The following ACKR3 variants were observed in gnomAD, a reference collection of about 807,000 sequenced individuals.
ACKR3 encodes the protein C-X-C chemokine receptor type 7.
A neutral mutation model predicts 22.4 loss-of-function variants in ACKR3; 6 were observed. That is an observed-to-expected ratio of 0.27 (90% CI 0.15 to 0.53). The LOEUF (loss-of-function observed/expected upper bound fraction) is 0.53, where lower values mean the gene tolerates loss of function less well. ACKR3 is among the 20% of genes least tolerant of loss of function. The pLI is 0.96. For synonymous variants in ACKR3, 209 were observed against 205.2 expected (o/e 1.02, Z -0.16); for missense variants, 396 against 475.2 (o/e 0.83, Z 1.55).
At chr2:236,550,690 G>A in the ACKR3 span, among the ~76,000 whole-genome samples, 3 of 152,254 alleles carry the variant, frequency 2.0e-5, no homozygotes, top group African/African-American at 4.8e-5. This position sits in a 1 kb window ranked among gnomAD's most constrained non-coding sequence, Gnocchi z 4.6. Context: ...GAAACCTCTC[G>A]GAGCCTCAGC....
chr2:236,560,824 A>C, the ACKR3 span, among the ~76,000 whole-genome samples: 1 of 152,342 alleles, frequency 6.6e-6, no homozygotes, highest in South Asian at 2.1e-4. Context: ...AAAAGACTTG[A>C]AACTGGGGTC....
the ACKR3 span, among the ~76,000 whole-genome samples, chr2:236,555,067 C>G: frequency 6.6e-6 from 1 of 152,232 alleles, no homozygotes; most frequent in Non-Finnish European, 1.5e-5. Flanking sequence ...GCTGAGGCAT[C>G]CACAGCGGCA....
rs1485096868 is a variant in ACKR3, at chr2:236,581,838, A to G, written c.*284A>G. The G allele has an allele frequency of 7.0e-6, 2 of 285,340 alleles. No homozygotes were observed. The highest frequency in any genetic ancestry group is 6.9e-6 in the Non-Finnish European group (1 of 144,556). The allele number at this position is 285,340 out of a possible 1,614,324, so 17.7% of individuals were successfully genotyped here. On this transcript the variant is annotated 3_prime_UTR_variant, in exon 2 of 2. Coordinates refer to ENST00000272928, the MANE Select transcript of ACKR3 (RefSeq NM_020311.3). The surrounding 1 kb of genome is among the most constrained non-coding windows in gnomAD (Gnocchi z 4.4). ...CTTGCCTGGACTTCTGTAAGATAGGATTTTCTGTGTTTCCTGAATTTTTTA... is the reference window on the plus strand; with the variant it reads ...CTTGCCTGGACTTCTGTAAGATAGGGTTTTCTGTGTTTCCTGAATTTTTTA...
the ACKR3 span, among the ~76,000 whole-genome samples, chr2:236,553,205 C>A: frequency 2.7e-5 from 4 of 150,270 alleles, no homozygotes; most frequent in African/African-American, 1.0e-4. Context: ...CTCCTCCCCC[C>A]TGCTGAGGGC....
chr2:236,560,488 G>A, the ACKR3 span, among the ~76,000 whole-genome samples: 6 of 152,046 alleles, frequency 3.9e-5, no homozygotes, highest in Non-Finnish European at 8.8e-5. Flanking sequence ...TTGGAGAAAT[G>A]TCTATTCAAG....
chr2:236,555,954 T>G, the ACKR3 span, among the ~76,000 whole-genome samples: 1,192 of 152,244 alleles, frequency 7.8e-3, 19 homozygotes, highest in African/African-American at 0.027. Flanking sequence ...ATTTAGAAAC[T>G]AAGATCTTGC....
the ACKR3 span, among the ~76,000 whole-genome samples, chr2:236,547,799 C>T: frequency 5.9e-5 from 9 of 151,988 alleles, no homozygotes; most frequent in African/African-American, 2.2e-4. Flanking sequence ...TGCCTTTTCT[C>T]CAGGCTGCTT....
the ACKR3 span, among the ~76,000 whole-genome samples, chr2:236,548,657 G>A: frequency 6.6e-6 from 1 of 152,180 alleles, no homozygotes; most frequent in East Asian, 1.9e-4. This position sits in a 1 kb window ranked among gnomAD's most constrained non-coding sequence, Gnocchi z 4.3. Context: ...TAAACCTTAC[G>A]GGCAAGAGTT....
chr2:236,551,810 T>C, the ACKR3 span, among the ~76,000 whole-genome samples: 1 of 152,184 alleles, frequency 6.6e-6, no homozygotes, highest in Admixed American at 6.5e-5. Flanking sequence ...CCCTTTGCCC[T>C]TAGTTCTCTG....
At chr2:236,542,952 C>T in the ACKR3 span, among the ~76,000 whole-genome samples, 23 of 84,752 alleles carry the variant, frequency 2.7e-4, 1 homozygote, top group Admixed American at 1.6e-3. Flanking sequence ...ATTCTATATG[C>T]GGGCCCTGTG....
rs150599766 is a variant in ACKR3 at position 236,580,990 on chromosome 2, G to A, written c.525G>A (p.Val175=). The change falls in exon 2 of 2, where the codon GTG becomes GTA. Residue 175 remains valine, a synonymous_variant. Coordinates refer to ENST00000272928, the MANE Select transcript of ACKR3 (RefSeq NM_020311.3). ...TGGTGTGGCTGCTGGCCTTCTGCGT[G>A]TCTCTGCCTGACACCTACTACCTGA... ...CILVWLLAFC[V]SLPDTYYLKT... is the part of the protein sequence containing the mutation. 3.2e-5 allele frequency: 52 copies of A among 1,613,992 alleles called. No individual in the cohort carries two copies. Among genetic ancestry groups the A allele is most frequent in the Non-Finnish European group, 4.2e-5 (49 of 1,180,046 alleles).
chr2:236,551,762 T>A, the ACKR3 span, among the ~76,000 whole-genome samples: 1 of 152,228 alleles, frequency 6.6e-6, no homozygotes, highest in African/African-American at 2.4e-5. Flanking sequence ...TTGATTTATA[T>A]TTCAGCCCAG....
chr2:236,581,153 G>T lies in ACKR3; in HGVS notation c.688G>T (p.Val230Phe), dbSNP rs35095494. The change falls in exon 2 of 2, where the codon GTC becomes TTC. Residue 230 changes from valine (V) to phenylalanine (F), a missense_variant. Coordinates refer to ENST00000272928, the MANE Select transcript of ACKR3 (RefSeq NM_020311.3). This position sits in a 1 kb window ranked among gnomAD's most constrained non-coding sequence, Gnocchi z 4.4. ...TGCCGTTCCCTTCTCCATTATCGCT[G>T]TCTTCTACTTCCTGCTGGCCAGAGC... Reference protein sequence around the residue: ...GFAVPFSIIAVFYFLLARAIS... With the variant: ...GFAVPFSIIAFFYFLLARAIS... 4 of 1,614,004 alleles carry T rather than the reference G, an allele frequency of 2.5e-6. No individual in the cohort carries two copies. The highest frequency in any genetic ancestry group is 3.4e-6 in the Non-Finnish European group (4 of 1,179,998).
At chr2:236,538,454 C>A in the ACKR3 span, among the ~76,000 whole-genome samples, 1 of 152,196 alleles carries the variant, frequency 6.6e-6, no homozygotes, top group Non-Finnish European at 1.5e-5. Flanking sequence ...GGCTCACCAC[C>A]CTGACCTTGG....
Position 236,581,452 on chromosome 2 carries a change from C to T in ACKR3, c.987C>T (p.Ala329=). ...NRNYRYELMK[A]FIFKYSAKTG... Reference sequence around the variant, plus strand: ...ACTACAGGTACGAGCTGATGAAGGCCTTCATCTTCAAGTACTCGGCCAAAA... The same window carrying T: ...ACTACAGGTACGAGCTGATGAAGGCTTTCATCTTCAAGTACTCGGCCAAAA... The change falls in exon 2 of 2, where the codon GCC becomes GCT. Residue 329 remains alanine, a synonymous_variant. Transcript: ENST00000272928. The surrounding 1 kb of genome is among the most constrained non-coding windows in gnomAD (Gnocchi z 4.4). 6.2e-7 allele frequency: 1 copy of T among 1,614,198 alleles called. No homozygotes were observed. Among genetic ancestry groups the T allele is most frequent in the African/African-American group, 1.3e-5 (1 of 75,058 alleles).
chr2:236,540,669 T>C, the ACKR3 span, among the ~76,000 whole-genome samples: 71 of 152,372 alleles, frequency 4.7e-4, 1 homozygote, highest in South Asian at 0.014. Flanking sequence ...ATGAATTTAA[T>C]GTGTGGTGCA....
At chr2:236,540,655 T>C in the ACKR3 span, among the ~76,000 whole-genome samples, 2 of 152,228 alleles carry the variant, frequency 1.3e-5, no homozygotes, top group Non-Finnish European at 2.9e-5. Flanking sequence ...AGGATCCATT[T>C]GGAATGAATT....
the ACKR3 span, among the ~76,000 whole-genome samples, chr2:236,552,681 A>T: frequency 6.6e-6 from 1 of 152,190 alleles, no homozygotes; most frequent in Non-Finnish European, 1.5e-5. Context: ...TTTCAAAGGA[A>T]TATTTACAGA....
At position 236,578,704 on chromosome 2, in the gene ACKR3, C is replaced by T. The variant is rs923728460; in HGVS notation, c.-26-1736C>T. Among the ~76,000 whole-genome samples the T allele has an allele frequency of 3.9e-5, 6 of 152,158 alleles. No individual in the cohort carries two copies. In the South Asian group the frequency reaches 6.2e-4, roughly 16 times the overall value. The stretch of plus-strand genomic sequence containing the variant: ...AATGTGGAGGCTGTGGAGCCGAGGC[C>T]GCGAAATTTCTCACTTTTCAGGGAT... On this transcript the variant is annotated intron_variant, in intron 1 of 1. Coordinates refer to ENST00000272928, the MANE Select transcript of ACKR3 (RefSeq NM_020311.3).
Sources: allele counts gnomAD v4.1 joint callset (sites outside exome capture counted in the v4.1 genomes callset), GRCh38; gene constraint gnomAD v4.1.1; non-coding constraint Gnocchi (gnomAD v3.1); transcripts MANE v1.5; gene names NCBI Gene and HGNC (gene_info 2026-07-23, HGNC 2026-07-21).